Variants in NRG3 observed in about 807,000 individuals in gnomAD.
The protein encoded by NRG3 is neuregulin 3, also known as pro-neuregulin-3, membrane-bound isoform.
NRG3 carries 31 observed loss-of-function variants against 66.9 expected under a neutral mutation model. That is an observed-to-expected ratio of 0.46 (90% CI 0.35 to 0.63). NRG3 has a LOEUF of 0.63. Among genes scored for constraint, NRG3 ranks in the 20% least tolerant of loss-of-function variants. The pLI, the probability that NRG3 is intolerant of heterozygous loss-of-function variation, is 0.00. For synonymous variants in NRG3, 393 were observed against 359.4 expected, an observed-to-expected ratio of 1.09 and a Z score of -1.06; for missense variants, 910 against 878.9, an observed-to-expected ratio of 1.04 and a Z score of -0.45.
intron 1 of NRG3, among the ~76,000 whole-genome samples, chr10:81,957,487 T>A (rs751516413): frequency 1.2e-4 from 18 of 152,238 alleles, no homozygotes; most frequent in Non-Finnish European, 2.4e-4. Context: ...CATACTACCC[T>A]GCTTTATTTC....
At chr10:82,195,585 A>G (rs1336288) in intron 1 of NRG3, among the ~76,000 whole-genome samples, 79,195 of 151,964 alleles carry the variant, frequency 0.52, 21,996 homozygotes, top group Middle Eastern at 0.66. Flanking sequence ...TTGTCTGAAT[A>G]TGGTGGGAGG....
At chr10:82,322,780 G>C (rs928111150) in intron 1 of NRG3, among the ~76,000 whole-genome samples, 1 of 152,208 alleles carries the variant, frequency 6.6e-6, no homozygotes, top group African/African-American at 2.4e-5. Flanking sequence ...TAGAGGAGAA[G>C]AGTAGTGTTG....
Position 82,245,978 on chromosome 10 carries a change from G to GTTTTTTTTTT in NRG3, c.824-112747_824-112738dup, listed in dbSNP as rs372596396. On this transcript the variant is annotated intron_variant, in intron 1 of 8. Transcript: ENST00000372141. ...AGCCTGATTTTTTCCCAGTCTTCTG[G>GTTTTTTTTTT]TTTTTTTTTTTTTTTTTTTTTTTAA... Among the ~76,000 whole-genome samples, 39 of 103,274 alleles carry GTTTTTTTTTT rather than the reference G, an allele frequency of 3.8e-4. 1 individual carries two copies. Among genetic ancestry groups the GTTTTTTTTTT allele is most frequent in the African/African-American group, 1.3e-3 (35 of 26,308 alleles). The allele number at this position is 103,274 out of a possible 152,430, so 67.8% of individuals were successfully genotyped here.
At position 82,269,746 on chromosome 10, in the gene NRG3, G is replaced by C. The variant is rs187950175; in HGVS notation, c.824-88993G>C. ...ACTGTCATGATAGCACACATTGCTA[G>C]GTCCCCCTTGAGAAGTTTCTGCTTC... On this transcript the variant is annotated intron_variant, in intron 1 of 8. Transcript: ENST00000372141. Among the ~76,000 whole-genome samples, 447 of 152,206 alleles carry C rather than the reference G, an allele frequency of 2.9e-3. 3 individuals carry two copies. Among genetic ancestry groups the C allele is most frequent in the African/African-American group, 0.01 (430 of 41,534 alleles).
intron 2 of NRG3, among the ~76,000 whole-genome samples, chr10:82,486,715 A>G (rs894920641): frequency 4.6e-5 from 7 of 152,266 alleles, no homozygotes; most frequent in Admixed American, 6.5e-5. Flanking sequence ...CCCGGCCACA[A>G]TGGATACCAT....
chr10:82,109,415 CTATTT>C (rs2067244903), intron 1 of NRG3, among the ~76,000 whole-genome samples: 1 of 152,134 alleles, frequency 6.6e-6, no homozygotes, highest in Non-Finnish European at 1.5e-5. Context: ...GCGCTCTATC[CTATTT>C]TATCTTTCCA....
At chr10:82,834,231 C>A (rs1259516294) in intron 3 of NRG3, among the ~76,000 whole-genome samples, 1 of 152,114 alleles carries the variant, frequency 6.6e-6, no homozygotes, top group Non-Finnish European at 1.5e-5. Flanking sequence ...CTGTATTAGC[C>A]AGGAAACTGA....
chr10:82,411,790 T>C (rs548087525), intron 2 of NRG3, among the ~76,000 whole-genome samples: 32 of 152,202 alleles, frequency 2.1e-4, no homozygotes, highest in Non-Finnish European at 3.4e-4. Flanking sequence ...GCTCAGTTAG[T>C]ATGAATGGAG....
chr10:81,942,403 C>A (rs1848478358), intron 1 of NRG3, among the ~76,000 whole-genome samples: 1 of 152,104 alleles, frequency 6.6e-6, no homozygotes, highest in Non-Finnish European at 1.5e-5. Context: ...TACATCAAAT[C>A]TCTCTTTAAG....
At chr10:82,196,086 G>T (rs1194205419) in intron 1 of NRG3, among the ~76,000 whole-genome samples, 1 of 152,170 alleles carries the variant, frequency 6.6e-6, no homozygotes, top group Admixed American at 6.5e-5. Flanking sequence ...CTAATATCCA[G>T]TGTGATGTAC....
intron 1 of NRG3, among the ~76,000 whole-genome samples, chr10:82,017,187 C>T (rs2144472): frequency 0.96 from 146,463 of 152,244 alleles, 70,501 homozygotes; most frequent in African/African-American, 0.99. Flanking sequence ...ACGTGGTGTT[C>T]GGTTTTTTGT....
intron 1 of NRG3, among the ~76,000 whole-genome samples, chr10:82,273,655 T>G (rs2078708500): frequency 1.3e-5 from 2 of 152,040 alleles, no homozygotes. Context: ...GTTGATAATA[T>G]GTGGTTTCTT....
chr10:82,635,909 T>C (rs1419734524), intron 2 of NRG3, among the ~76,000 whole-genome samples: 1 of 151,968 alleles, frequency 6.6e-6, no homozygotes, highest in Non-Finnish European at 1.5e-5. Flanking sequence ...AGGAAGGAGA[T>C]TGCCTGGTGA....
chr10:82,271,380 A>G (rs1417883303), intron 1 of NRG3, among the ~76,000 whole-genome samples: 1 of 152,072 alleles, frequency 6.6e-6, no homozygotes, highest in Non-Finnish European at 1.5e-5. Context: ...TCATGATGCT[A>G]CCTATCAGGG....
intron 2 of NRG3, among the ~76,000 whole-genome samples, chr10:82,650,552 TTTTG>T (rs147731722): frequency 0.01 from 1,572 of 152,316 alleles, 25 homozygotes; most frequent in African/African-American, 0.037. Flanking sequence ...GGTGAGTGAT[TTTTG>T]TTGTTGATTA....
intron 1 of NRG3, among the ~76,000 whole-genome samples, chr10:81,949,493 C>T (rs1369881752): frequency 6.6e-6 from 1 of 152,018 alleles, no homozygotes; most frequent in East Asian, 1.9e-4. Context: ...TCTGCCCTCT[C>T]ATGGCCAGAT....
At chr10:82,945,625 CT>C (rs1486762537) in intron 4 of NRG3, among the ~76,000 whole-genome samples, 1 of 152,108 alleles carries the variant, frequency 6.6e-6, no homozygotes, top group Non-Finnish European at 1.5e-5. Flanking sequence ...CAGAAGCCCA[CT>C]CTTGTGATAA....
intron 1 of NRG3, among the ~76,000 whole-genome samples, chr10:82,020,450 G>T (rs2062009018): frequency 6.6e-6 from 1 of 152,062 alleles, no homozygotes; most frequent in Non-Finnish European, 1.5e-5. Flanking sequence ...TCTAGGGATA[G>T]AATAGGGGAG....
chr10:82,810,778 C>T (rs979718581), intron 3 of NRG3, among the ~76,000 whole-genome samples: 4 of 150,352 alleles, frequency 2.7e-5, no homozygotes, highest in African/African-American at 7.3e-5. Flanking sequence ...CTGCAATAGT[C>T]CAAGCCAGTG....
Sources: allele counts gnomAD v4.1 joint callset (sites outside exome capture counted in the v4.1 genomes callset), GRCh38; gene constraint gnomAD v4.1.1; transcripts MANE v1.5; gene names NCBI Gene and HGNC (gene_info 2026-07-23, HGNC 2026-07-21).